RLF: variants seen among roughly 807,000 people sequenced by gnomAD.
RLF encodes the protein zinc finger protein Rlf.
RLF carries 7 observed loss-of-function variants against 162.9 expected under a neutral mutation model. The ratio of observed to expected loss-of-function variants is 0.04; its 90% CI spans 0.02 to 0.08. The LOEUF (loss-of-function observed/expected upper bound fraction) is 0.08. Among genes scored for constraint, RLF ranks in the 10% least tolerant of loss-of-function variants. The pLI, the probability that RLF is intolerant of heterozygous loss-of-function variation, is 1.00. For missense variants in RLF, 1,664 were observed against 2,244.7 expected (o/e 0.74, Z 5.23); for synonymous variants, 782 against 791.5 (o/e 0.99, Z 0.20).
In RLF at chr1:40,236,701, G is replaced by A; in HGVS notation, c.1999G>A (p.Asp667Asn). The A allele has an allele frequency of 6.2e-7, 1 of 1,614,104 alleles. No homozygotes were observed. Among genetic ancestry groups the A allele is most frequent in the Non-Finnish European group, 8.5e-7 (1 of 1,180,010 alleles). Reference sequence around the variant, plus strand: ...CAAATTAGAAGATTGCCACCTGCAAGACAGAGATTTGTATCCATGTCCCGG... The same window carrying A: ...CAAATTAGAAGATTGCCACCTGCAAAACAGAGATTTGTATCCATGTCCCGG... ...FSKLEDCHLQ[D>N]RDLYPCPGTD... The change falls in exon 8 of 8, where the codon GAC (aspartate) becomes AAC (asparagine). Residue 667 changes from aspartate (D) to asparagine (N), a missense_variant. This residue lies in a region of RLF where 69 missense variants were observed against 206.4 expected (regional missense o/e 0.33). Transcript: ENST00000372771. The surrounding 1 kb of genome is among the most constrained non-coding windows in gnomAD (Gnocchi z 7.7).
intron 1 of RLF, among the ~76,000 whole-genome samples, chr1:40,163,831 T>C (rs376514678): frequency 2.6e-5 from 4 of 152,220 alleles, no homozygotes; most frequent in African/African-American, 4.8e-5. Context: ...ACAATCAGAA[T>C]AGAAAATTTG....
chr1:40,218,576 GT>G (rs1329593825), intron 5 of RLF, among the ~76,000 whole-genome samples: 2 of 152,016 alleles, frequency 1.3e-5, no homozygotes, highest in Non-Finnish European at 2.9e-5. Flanking sequence ...ACGTTAATTA[GT>G]TTGCTCATTC....
intron 1 of RLF, among the ~76,000 whole-genome samples, chr1:40,182,756 GATA>G (rs1557741322): frequency 7.6e-4 from 37 of 48,912 alleles, no homozygotes; most frequent in Non-Finnish European, 1.8e-3. Flanking sequence ...TAGATAGGTA[GATA>G]GATAGATAGA....
At chr1:40,227,802 A>C (rs1291389738) in intron 6 of RLF, among the ~76,000 whole-genome samples, 1 of 152,146 alleles carries the variant, frequency 6.6e-6, no homozygotes, top group Non-Finnish European at 1.5e-5. Context: ...CCGGAGTTCA[A>C]GACCAACCTG....
At chr1:40,213,156 G>A (rs1642884079) in intron 5 of RLF, among the ~76,000 whole-genome samples, 1 of 152,154 alleles carries the variant, frequency 6.6e-6, no homozygotes, top group Admixed American at 6.5e-5. Flanking sequence ...AGAAATTGAG[G>A]ATTTGCTTGT....
chr1:40,169,425 G>C (rs1642208961), intron 1 of RLF, among the ~76,000 whole-genome samples: 1 of 151,500 alleles, frequency 6.6e-6, no homozygotes, highest in Non-Finnish European at 1.5e-5. Context: ...GACCATCCTG[G>C]CTAACAGGGT....
chr1:40,228,162 G>A (rs1643102967), intron 6 of RLF, among the ~76,000 whole-genome samples: 2 of 150,188 alleles, frequency 1.3e-5, no homozygotes, highest in African/African-American at 4.9e-5. Context: ...GCGTGCGCCT[G>A]TAGTCCCCAG....
Position 40,236,070 on chromosome 1 carries a change from A to G in RLF, c.1368A>G (p.Leu456=), listed in dbSNP as rs1040051487. ...CAAATTCTCTTCGATGTGAGCTCTT[A>G]CTAGCTTTAAAAGCCCACTGGCCTT... The part of the protein sequence containing the change: ...PVPNSLRCEL[L]LALKAHWPFD... Residue 456 remains leucine (L), a synonymous_variant, in exon 8 of 8, where the codon TTA becomes TTG. Coordinates refer to ENST00000372771, the MANE Select transcript of RLF (RefSeq NM_012421.4). The surrounding 1 kb of genome is among the most constrained non-coding windows in gnomAD (Gnocchi z 7.7). The G allele has an allele frequency of 1.9e-6, 3 of 1,613,986 alleles. No homozygotes were observed. The highest frequency in any genetic ancestry group is 2.5e-6 in the Non-Finnish European group (3 of 1,180,012).
intron 5 of RLF, among the ~76,000 whole-genome samples, chr1:40,217,174 TCTTA>T (rs1195532245): frequency 3.3e-5 from 5 of 152,244 alleles, no homozygotes; most frequent in East Asian, 3.9e-4. Flanking sequence ...CTGTAAAAAC[TCTTA>T]CTTAAGGCTG....
rs147002616 is a variant in RLF, at chr1:40,182,749, ATAGG to A, written c.238-6302_238-6299del. 4.5e-5 allele frequency among the ~76,000 whole-genome samples: 5 copies of A among 110,958 alleles called. No homozygotes were observed. In the Admixed American group the frequency reaches 5.3e-4, roughly 12 times the overall value. 72.8% of individuals were successfully genotyped at this position (110,958 alleles called of 152,430 possible). A position where few individuals can be genotyped will look rare whatever the true frequency, so the allele number is the denominator to read the frequency against. On this transcript the variant is annotated intron_variant, in intron 1 of 7. Coordinates refer to ENST00000372771, the MANE Select transcript of RLF (RefSeq NM_012421.4). Reference sequence around the variant, plus strand: ...GGATGAAAAAAGTATAGACAGATAGATAGGTAGATAGATAGATAGATAGATAGAT... The same window carrying A: ...GGATGAAAAAAGTATAGACAGATAGATAGATAGATAGATAGATAGATAGAT...
At position 40,190,796 on chromosome 1, in the gene RLF, A is replaced by G. The variant is rs140609951; in HGVS notation, c.417A>G (p.Ser139=). Residue 139 remains serine, a synonymous_variant, in exon 3 of 8, where the codon TCA becomes TCG. Transcript: ENST00000372771. ...LVLSCFELLL[S]VSESELPCEV... ...GGAGTTGTTTCGAATTACTGCTTTC[A>G]GTGTCTGAAAGTGAACTGCCATGTG... 7.4e-6 allele frequency: 12 copies of G among 1,612,442 alleles called. No homozygotes were observed. The highest frequency in any genetic ancestry group is 1.0e-5 in the Non-Finnish European group (12 of 1,178,882).
Position 40,237,698 on chromosome 1 carries a change from A to G in RLF, c.2996A>G (p.Asn999Ser). The change falls in exon 8 of 8, where the codon AAT (asparagine) becomes AGT (serine). Residue 999 changes from asparagine to serine, a missense_variant. This residue lies in a region of RLF where 295 missense variants were observed against 317.4 expected (regional missense o/e 0.93). Transcript: ENST00000372771. The surrounding 1 kb of genome is among the most constrained non-coding windows in gnomAD (Gnocchi z 4.4). ...AAAGATCTGTTTCCCTCTTTGGGTAATGAACATAATCAGACAACTGAAAAG... is the reference window on the plus strand; with the variant it reads ...AAAGATCTGTTTCCCTCTTTGGGTAGTGAACATAATCAGACAACTGAAAAG... ...KTKDLFPSLGNEHNQTTEKLD... is the reference protein window; with the variant it reads ...KTKDLFPSLGSEHNQTTEKLD... The G allele has an allele frequency of 5.6e-6, 9 of 1,614,168 alleles. No individual in the cohort carries two copies. The highest frequency in any genetic ancestry group is 7.6e-6 in the Non-Finnish European group (9 of 1,180,010).
intron 5 of RLF, among the ~76,000 whole-genome samples, chr1:40,208,435 C>G (rs936954058): frequency 6.6e-6 from 1 of 152,198 alleles, no homozygotes; most frequent in African/African-American, 2.4e-5. Flanking sequence ...TTAAATATAA[C>G]TGCAGAAAAC....
chr1:40,189,758 C>T (rs1231809898), intron 2 of RLF, among the ~76,000 whole-genome samples: 6 of 151,590 alleles, frequency 4.0e-5, no homozygotes, highest in South Asian at 2.1e-4. Flanking sequence ...GCCAAGATGG[C>T]GCCACTGCAC....
rs746446103 is a variant in RLF, at chr1:40,161,550, C to T, written c.151C>T (p.Pro51Ser). The T allele has an allele frequency of 6.2e-7, 1 of 1,608,856 alleles. No homozygotes were observed. Among genetic ancestry groups the T allele is most frequent in the African/African-American group, 1.3e-5 (1 of 74,522 alleles). ...SPAPGASGLR[P>S]CLWQLETELR... is the part of the protein sequence containing the mutation. Reference sequence around the variant, plus strand: ...AGCGCCGGGAGCCTCGGGACTGCGGCCGTGTCTGTGGCAGCTGGAGACAGA... The same window carrying T: ...AGCGCCGGGAGCCTCGGGACTGCGGTCGTGTCTGTGGCAGCTGGAGACAGA... Residue 51 changes from proline to serine, a missense_variant, in exon 1 of 8, where the codon CCG (proline) becomes TCG (serine). Around this residue, in one of 15 missense-constraint regions of RLF, gnomAD observed 134 missense variants for 124.3 expected, o/e 1.08. Coordinates refer to ENST00000372771, the MANE Select transcript of RLF (RefSeq NM_012421.4). This position sits in a 1 kb window ranked among gnomAD's most constrained non-coding sequence, Gnocchi z 4.4.
intron 1 of RLF, among the ~76,000 whole-genome samples, chr1:40,179,366 C>T (rs935684757): frequency 2.0e-5 from 3 of 152,064 alleles, no homozygotes; most frequent in Non-Finnish European, 4.4e-5. Flanking sequence ...TTACAATCTC[C>T]AGATTTAAGA....
Position 40,238,093 on chromosome 1 carries a change from C to A in RLF, c.3391C>A (p.Leu1131Ile). 6.2e-7 allele frequency: 1 copy of A among 1,614,028 alleles called. No homozygotes were observed. Among genetic ancestry groups the A allele is most frequent in the Non-Finnish European group, 8.5e-7 (1 of 1,179,974 alleles). The change falls in exon 8 of 8, where the codon CTT (leucine) becomes ATT (isoleucine). Residue 1131 changes from leucine (L) to isoleucine (I), a missense_variant. Around this residue, in one of 15 missense-constraint regions of RLF, gnomAD observed 30 missense variants for 116.5 expected, o/e 0.26. Transcript: ENST00000372771. This position sits in a 1 kb window ranked among gnomAD's most constrained non-coding sequence, Gnocchi z 5.2. ...GGCGGCTAAGCCGTTTTTCTGTGAG[C>A]TTCAAGGATGCAAATATGAATTTGT... ...QLAAKPFFCE[L>I]QGCKYEFVTR...
intron 6 of RLF, among the ~76,000 whole-genome samples, chr1:40,226,913 G>A (rs1643085901): frequency 6.6e-6 from 1 of 152,132 alleles, no homozygotes; most frequent in African/African-American, 2.4e-5. Flanking sequence ...CACCCAGGCT[G>A]CAGTGCAATG....
At chr1:40,231,710 T>A (rs898648402) in intron 7 of RLF, 52 bp downstream of exon 7, 24 of 1,497,812 alleles carry the variant, frequency 1.6e-5, no homozygotes, top group Non-Finnish European at 2.1e-5. Context: ...AAGAAATGAG[T>A]GGGAAGATAA....
Sources: allele counts gnomAD v4.1 joint callset (sites outside exome capture counted in the v4.1 genomes callset), GRCh38; gene constraint gnomAD v4.1.1; regional missense constraint gnomAD v4.1.1; non-coding constraint Gnocchi (gnomAD v3.1); transcripts MANE v1.5; gene names NCBI Gene and HGNC (gene_info 2026-07-23, HGNC 2026-07-21).